Variants in RAP1GAP2 observed in about 807,000 individuals in gnomAD.
RAP1GAP2 encodes the protein rap1 GTPase-activating protein 2.
Under a neutral mutation model 95.0 loss-of-function variants are expected in RAP1GAP2, and 27 were observed. The ratio of observed to expected loss-of-function variants is 0.28; its 90% CI spans 0.21 to 0.39. The LOEUF (loss-of-function observed/expected upper bound fraction) is 0.39, where lower values mean the gene tolerates loss of function less well. Among genes scored for constraint, RAP1GAP2 ranks in the 10% least tolerant of loss-of-function variants. The pLI is 1.00. For synonymous variants in RAP1GAP2, 373 were observed against 380.9 expected, an observed-to-expected ratio of 0.98 and a Z score of 0.24; for missense variants, 771 against 970.0, an observed-to-expected ratio of 0.79 and a Z score of 2.72.
At chr17:2,944,016 G>C (rs1360312324) in intron 3 of RAP1GAP2, among the ~76,000 whole-genome samples, 1 of 152,100 alleles carries the variant, frequency 6.6e-6, no homozygotes, top group Non-Finnish European at 1.5e-5. Context: ...GTATGGTGGT[G>C]TCCGCCCCTG....
At chr17:2,844,392 A>G (rs2071496190) in intron 2 of RAP1GAP2, among the ~76,000 whole-genome samples, 1 of 152,064 alleles carries the variant, frequency 6.6e-6, no homozygotes, top group Non-Finnish European at 1.5e-5. Flanking sequence ...TTTTTCCCCT[A>G]AGAGTAGAGA....
chr17:2,963,145 G>T lies in RAP1GAP2; in HGVS notation c.247-285G>T. The T allele has an allele frequency of 3.6e-6, 2 of 552,986 alleles. No individual in the cohort carries two copies. The highest frequency in any genetic ancestry group is 6.4e-6 in the Non-Finnish European group (2 of 311,462). 34.3% of individuals were successfully genotyped at this position (552,986 alleles called of 1,614,324 possible). On this transcript the variant is annotated intron_variant, in intron 5 of 24. Transcript: ENST00000254695. The surrounding 1 kb of genome is among the most constrained non-coding windows in gnomAD (Gnocchi z 4.8). ...GGGGGAGACTAGGGGTCATTTTCCGGAATGAGCGTTCTAGGATGAGAAGCT... is the reference window on the plus strand; with the variant it reads ...GGGGGAGACTAGGGGTCATTTTCCGTAATGAGCGTTCTAGGATGAGAAGCT...
chr17:3,013,065 C>G (rs1025921938), intron 17 of RAP1GAP2, among the ~76,000 whole-genome samples: 1 of 152,188 alleles, frequency 6.6e-6, no homozygotes, highest in Non-Finnish European at 1.5e-5. Flanking sequence ...CTGTGATGGA[C>G]CCGGGACCGT....
At chr17:2,807,444 G>T (rs1048127295) in intron 2 of RAP1GAP2, among the ~76,000 whole-genome samples, 2 of 152,136 alleles carry the variant, frequency 1.3e-5, no homozygotes, top group Non-Finnish European at 1.5e-5. Flanking sequence ...GTTTTTGGGG[G>T]TAGACAGCTG....
chr17:2,957,938 C>A, intron 4 of RAP1GAP2, 144 bp downstream of exon 4: 1 of 865,548 alleles, frequency 1.2e-6, no homozygotes, highest in Non-Finnish European at 1.7e-6. Flanking sequence ...TTGGCCCAGA[C>A]AACCTGAGGC....
chr17:2,862,449 C>T (rs1438811265), intron 2 of RAP1GAP2, among the ~76,000 whole-genome samples: 2 of 152,144 alleles, frequency 1.3e-5, no homozygotes, highest in Admixed American at 6.6e-5. Flanking sequence ...AAAAGCACTT[C>T]TGTTCAGACG....
In RAP1GAP2 at chr17:2,797,184, T is replaced by A. The variant is rs183844577; in HGVS notation, c.44+613T>A. 9.8e-4 allele frequency among the ~76,000 whole-genome samples: 149 copies of A among 152,026 alleles called. No homozygotes were observed. Among genetic ancestry groups the A allele is most frequent in the African/African-American group, 3.4e-3 (143 of 41,470 alleles). On this transcript the variant is annotated intron_variant, in intron 1 of 24. Transcript: ENST00000254695. This position sits in a 1 kb window ranked among gnomAD's most constrained non-coding sequence, Gnocchi z 5.6. ...CTTGGGGGTGGGTTGTGAGAGAAGG[T>A]CTCCCACCTGCACCCCAGGCAGCCC...
chr17:2,869,441 A>G (rs997263133), intron 2 of RAP1GAP2, among the ~76,000 whole-genome samples: 6 of 133,108 alleles, frequency 4.5e-5, no homozygotes, highest in Admixed American at 2.1e-4. Context: ...AAAATGATGA[A>G]AAAAAAAAAA....
chr17:2,990,590 C>G (rs1330362882), intron 11 of RAP1GAP2, among the ~76,000 whole-genome samples: 1 of 152,228 alleles, frequency 6.6e-6, no homozygotes, highest in Non-Finnish European at 1.5e-5. Context: ...CGGGACCTGC[C>G]TGGGAGTGCT....
rs1381475657 is a variant in RAP1GAP2 at position 3,030,905 on chromosome 17, G to T, written c.2108-17G>T. 2 of 1,599,026 alleles carry T rather than the reference G, an allele frequency of 1.3e-6. No homozygotes were observed. Among genetic ancestry groups the T allele is most frequent in the African/African-American group, 2.7e-5 (2 of 74,634 alleles). On this transcript the variant is annotated splice_polypyrimidine_tract_variant and intron_variant, in intron 22 of 24. Coordinates refer to ENST00000254695, the MANE Select transcript of RAP1GAP2 (RefSeq NM_015085.5). The stretch of plus-strand genomic sequence containing the variant: ...TCCACAGCTCCACCCTCCTTTCATG[G>T]CCGTTCTTTTTCTTAGATGCCAAAA...
At chr17:2,772,958 A>C (rs2068427261), upstream of RAP1GAP2, among the ~76,000 whole-genome samples, 1 of 149,070 alleles carries the variant, frequency 6.7e-6, no homozygotes, top group South Asian at 2.1e-4. Context: ...TCCTGGGTTC[A>C]AATGATTCTC....
At chr17:2,928,809 ATG>A (rs2043049399) in intron 3 of RAP1GAP2, among the ~76,000 whole-genome samples, 1 of 151,718 alleles carries the variant, frequency 6.6e-6, no homozygotes, top group African/African-American at 2.4e-5. Flanking sequence ...GTTGTGAGGG[ATG>A]GGGAGTCGGA....
chr17:2,759,604 C>A (rs890877076), intron 1 of RAP1GAP2, among the ~76,000 whole-genome samples: 2 of 152,158 alleles, frequency 1.3e-5, no homozygotes, highest in African/African-American at 2.4e-5. Context: ...GCGCCTGCCA[C>A]CATACCCGGC....
intron 2 of RAP1GAP2, among the ~76,000 whole-genome samples, chr17:2,829,815 A>G (rs62089717): frequency 1.9e-5 from 2 of 104,724 alleles, no homozygotes; most frequent in Admixed American, 1.8e-4. Context: ...TCTCTCTCTT[A>G]AATTTTTTTT....
At chr17:2,792,494 C>T (rs570144331), upstream of RAP1GAP2, among the ~76,000 whole-genome samples, 23 of 152,292 alleles carry the variant, frequency 1.5e-4, no homozygotes, top group African/African-American at 5.3e-4. Context: ...GTGGGAAAGG[C>T]CCTAGGAAGA....
chr17:2,969,496 C>CTTTTTTTTTTTTTTT (rs34468461), intron 8 of RAP1GAP2, among the ~76,000 whole-genome samples: 8 of 83,774 alleles, frequency 9.5e-5, no homozygotes, highest in East Asian at 4.2e-4. Context: ...TATATATATT[C>CTTTTTTTTTTTTTTT]TTTTTTTTTT....
At chr17:3,014,711 G>C (rs1263309286) in intron 17 of RAP1GAP2, among the ~76,000 whole-genome samples, 1 of 152,054 alleles carries the variant, frequency 6.6e-6, no homozygotes, top group East Asian at 1.9e-4. Context: ...CACCATGCCT[G>C]GCTAATTTTT....
intron 2 of RAP1GAP2, among the ~76,000 whole-genome samples, chr17:2,819,748 A>T (rs1033404437): frequency 6.6e-5 from 10 of 150,706 alleles, no homozygotes; most frequent in Admixed American, 6.6e-4. Context: ...GATTACAGGC[A>T]TGAGCCTCAG....
intron 11 of RAP1GAP2, among the ~76,000 whole-genome samples, chr17:2,989,095 A>AAC (rs139089571): frequency 0.42 from 63,474 of 151,184 alleles, 14,027 homozygotes; most frequent in African/African-American, 0.57. Context: ...AACAAAACAA[A>AAC]AAAAAAACTG....
Sources: allele counts gnomAD v4.1 joint callset (sites outside exome capture counted in the v4.1 genomes callset), GRCh38; gene constraint gnomAD v4.1.1; non-coding constraint Gnocchi (gnomAD v3.1); transcripts MANE v1.5; gene names NCBI Gene and HGNC (gene_info 2026-07-23, HGNC 2026-07-21).